Variants in DDX10 observed in about 807,000 individuals in gnomAD.
DDX10 encodes the protein DEAD-box helicase 10.
DDX10 carries 74 observed loss-of-function variants against 104.3 expected under a neutral mutation model. That is an observed-to-expected ratio of 0.71 (90% CI 0.59 to 0.86). The LOEUF is 0.86. DDX10 is among the 40% of genes least tolerant of loss of function. DDX10 has a pLI of 0.00. For missense variants in DDX10, 952 were observed against 1,040.0 expected, an observed-to-expected ratio of 0.92 and a Z score of 1.16; for synonymous variants, 351 against 353.4, an observed-to-expected ratio of 0.99 and a Z score of 0.08.
chr11:108,732,375 A>G lies in DDX10; in HGVS notation c.1965+8913A>G, dbSNP rs544150799. Among the ~76,000 whole-genome samples, 3 of 152,294 alleles carry G rather than the reference A, an allele frequency of 2.0e-5. No individual in the cohort carries two copies. In the East Asian group the frequency reaches 5.8e-4, roughly 29 times the overall value. ...ATTTTCTTTCTCTGCTGTCGTGCCTACCATTATTTGTGTGTAGTTTGCTTT... is the reference window on the plus strand; with the variant it reads ...ATTTTCTTTCTCTGCTGTCGTGCCTGCCATTATTTGTGTGTAGTTTGCTTT... On this transcript the variant is annotated intron_variant, in intron 13 of 17. Coordinates refer to ENST00000322536, the MANE Select transcript of DDX10 (RefSeq NM_004398.4).
At chr11:108,730,924 T>C (rs1041264073) in intron 13 of DDX10, among the ~76,000 whole-genome samples, 8 of 152,088 alleles carry the variant, frequency 5.3e-5, no homozygotes, top group Admixed American at 2.6e-4. Context: ...TTTGGGGCAG[T>C]TGATAGGATT....
intron 5 of DDX10, 57 bp from the exon 6 acceptor site, chr11:108,679,314 A>G (rs970028705): frequency 2.1e-6 from 3 of 1,414,746 alleles, no homozygotes; most frequent in Admixed American, 2.4e-5. Context: ...TACCCATTGC[A>G]TTTAGCCTAA....
At chr11:108,774,239 A>G (rs779846502) in intron 13 of DDX10, among the ~76,000 whole-genome samples, 1 of 152,324 alleles carries the variant, frequency 6.6e-6, no homozygotes, top group Non-Finnish European at 1.5e-5. Flanking sequence ...AGTGAGAATC[A>G]TTTGTTCATT....
chr11:108,665,386 C>T (rs1416954356), intron 1 of DDX10, 47 bp downstream of exon 1: 1 of 1,504,448 alleles, frequency 6.6e-7, no homozygotes, highest in Non-Finnish European at 8.9e-7. Flanking sequence ...AGCAGCGGGG[C>T]AGCGTCTCAC....
At chr11:108,849,818 A>C (rs1862767246) in intron 15 of DDX10, among the ~76,000 whole-genome samples, 1 of 152,168 alleles carries the variant, frequency 6.6e-6, no homozygotes, top group Non-Finnish European at 1.5e-5. Flanking sequence ...GAATCTAATA[A>C]GATTCACTTA....
chr11:108,840,656 G>A (rs1862624768), intron 14 of DDX10, among the ~76,000 whole-genome samples: 2 of 152,270 alleles, frequency 1.3e-5, no homozygotes, highest in Admixed American at 6.5e-5. Context: ...TGTAAAATAT[G>A]TGGATTTGAG....
At chr11:108,726,233 T>C (rs1401013397) in intron 13 of DDX10, among the ~76,000 whole-genome samples, 5 of 152,104 alleles carry the variant, frequency 3.3e-5, no homozygotes, top group African/African-American at 7.2e-5. Flanking sequence ...GGCATTTTCA[T>C]GTAAGGTTTT....
At chr11:108,785,888 G>T (rs1861784089) in intron 13 of DDX10, among the ~76,000 whole-genome samples, 1 of 151,980 alleles carries the variant, frequency 6.6e-6, no homozygotes, top group Non-Finnish European at 1.5e-5. Flanking sequence ...ACCAGCTTTA[G>T]AGTTGAATTT....
At chr11:108,901,448 T>G (rs1314675618) in intron 16 of DDX10, among the ~76,000 whole-genome samples, 1 of 152,208 alleles carries the variant, frequency 6.6e-6, no homozygotes, top group Non-Finnish European at 1.5e-5. Context: ...ATTATAGAAT[T>G]TATTACCAAG....
At chr11:108,790,945 G>C (rs919482038) in intron 13 of DDX10, among the ~76,000 whole-genome samples, 2 of 152,166 alleles carry the variant, frequency 1.3e-5, no homozygotes, top group Non-Finnish European at 2.9e-5. Context: ...ATCCAATGTG[G>C]TTGGTTGTCT....
rs869132450 is a variant in DDX10 at position 108,911,556 on chromosome 11, CTTTTTTTTTTTTT to C, written c.2305-6298_2305-6286del. 7.1e-4 allele frequency among the ~76,000 whole-genome samples: 45 copies of C among 63,760 alleles called. 1 individual carries two copies. In the South Asian group the frequency reaches 0.012, roughly 17 times the overall value. 41.8% of individuals were successfully genotyped at this position (63,760 alleles called of 152,430 possible). A position where few individuals can be genotyped will look rare whatever the true frequency, so the allele number is the denominator to read the frequency against. On this transcript the variant is annotated intron_variant, in intron 16 of 17. Transcript: ENST00000322536. ...GTTCCCAAAAGCTTTGCCTCCTCTT[CTTTTTTTTTTTTT>C]TTTTTTTTTTTTTTTTTTGAGACAG...
At chr11:108,873,927 A>G (rs1048857625) in intron 16 of DDX10, among the ~76,000 whole-genome samples, 3 of 152,194 alleles carry the variant, frequency 2.0e-5, no homozygotes, top group South Asian at 2.1e-4. Flanking sequence ...CAAACAGTAC[A>G]TGAACTTGTT....
chr11:108,668,189 A>T (rs745921390), intron 1 of DDX10, among the ~76,000 whole-genome samples: 15 of 152,242 alleles, frequency 9.9e-5, no homozygotes, highest in Non-Finnish European at 1.6e-4. Flanking sequence ...TAACCCTGTG[A>T]AATTGTTCCC....
chr11:108,927,635 C>CT (rs147115643), intron 17 of DDX10, among the ~76,000 whole-genome samples: 77,461 of 146,436 alleles, frequency 0.53, 21,076 homozygotes, highest in Non-Finnish European at 0.62. Context: ...GCACTTGGAA[C>CT]TTTTTTTTTT....
At chr11:108,688,851 A>G in intron 6 of DDX10, 85 bp from the exon 7 acceptor site, 1 of 1,472,906 alleles carries the variant, frequency 6.8e-7, no homozygotes, top group East Asian at 2.3e-5. Context: ...ATGTGCCACT[A>G]TTAAAACTTG....
At chr11:108,693,643 A>G (rs2094255846) in intron 9 of DDX10, 43 bp downstream of exon 9, 5 of 1,403,168 alleles carry the variant, frequency 3.6e-6, no homozygotes, top group African/African-American at 2.8e-5. Context: ...TACTATCTAA[A>G]TAACAAAGCA....
chr11:108,799,651 C>T (rs1487405524), intron 13 of DDX10, among the ~76,000 whole-genome samples: 1 of 152,170 alleles, frequency 6.6e-6, no homozygotes, highest in Non-Finnish European at 1.5e-5. Context: ...TGAGAAAGGT[C>T]TAGTCTGAGT....
At chr11:108,864,078 A>G (rs1862974943) in intron 16 of DDX10, among the ~76,000 whole-genome samples, 1 of 152,208 alleles carries the variant, frequency 6.6e-6, no homozygotes, top group Non-Finnish European at 1.5e-5. Context: ...CCAACCTTCC[A>G]GGGTTCTTGT....
chr11:108,768,266 C>T (rs1335317622), intron 13 of DDX10, among the ~76,000 whole-genome samples: 1 of 152,066 alleles, frequency 6.6e-6, no homozygotes, highest in Non-Finnish European at 1.5e-5. Flanking sequence ...CTGTGTTGTT[C>T]AAGGGTCAGC....
Sources: gnomAD v4.1 joint callset for allele counts (sites outside exome capture counted in the v4.1 genomes callset) on GRCh38, gnomAD v4.1.1 for gene constraint, MANE v1.5 for transcripts, NCBI Gene and HGNC (gene_info 2026-07-23, HGNC 2026-07-21) for gene names.